Variants in COL14A1 observed in about 807,000 individuals in gnomAD.
COL14A1 encodes the protein collagen type XIV alpha 1 chain.
Under a neutral mutation model 230.3 loss-of-function variants are expected in COL14A1, and 136 were observed. The observed-to-expected ratio is 0.59, with a 90% confidence interval of 0.51 to 0.68. COL14A1 has a LOEUF of 0.68. COL14A1 is among the 30% of genes least tolerant of loss of function. The probability of loss-of-function intolerance (pLI) is 0.00; values close to 1 mark genes in which losing one functional copy is unlikely to be tolerated. For synonymous variants in COL14A1, 792 were observed against 784.1 expected, an observed-to-expected ratio of 1.01 and a Z score of -0.17; for missense variants, 1,976 against 2,215.8, an observed-to-expected ratio of 0.89 and a Z score of 2.17.
chr8:120,358,604 G>A lies in COL14A1; in HGVS notation c.5078-8567G>A, dbSNP rs1485960544. On this transcript the variant is annotated intron_variant, in intron 45 of 47. Transcript: ENST00000297848. Reference sequence around the variant, plus strand: ...TTTCAAGTCGTCATCGTGTAATTTAGCCAGAAAATCATGGCAAGTTTTCTA... The same window carrying A: ...TTTCAAGTCGTCATCGTGTAATTTAACCAGAAAATCATGGCAAGTTTTCTA... Among the ~76,000 whole-genome samples, 19 of 151,294 alleles carry A rather than the reference G, an allele frequency of 1.3e-4. No individual in the cohort carries two copies. The Admixed American group carries it at 1.3e-3, about 10-fold the overall frequency.
chr8:120,170,723 T>TTTTC (rs1187351095), intron 5 of COL14A1, among the ~76,000 whole-genome samples: 3 of 152,046 alleles, frequency 2.0e-5, no homozygotes, highest in Non-Finnish European at 4.4e-5. Flanking sequence ...TCTAGTCAAT[T>TTTTC]TTTCTTTTTG....
chr8:120,367,217 C>A lies in COL14A1; in HGVS notation c.5124C>A (p.Thr1708=). The change falls in exon 46 of 48, where the codon ACC becomes ACA. Residue 1708 remains threonine (T), a synonymous_variant. Coordinates refer to ENST00000297848, the MANE Select transcript of COL14A1 (RefSeq NM_021110.4). ...AAAAAGGAAATCCAGGCGTTGGAAC[C>A]CAAGGTCCAAGAGGCCCCCCTGGAC... is the stretch of plus-strand genomic sequence containing the variant. The part of the protein sequence containing the change: ...KGEKGNPGVG[T]QGPRGPPGPA... The A allele has an allele frequency of 1.2e-6, 2 of 1,613,448 alleles. No homozygotes were observed. The highest frequency in any genetic ancestry group is 4.5e-5 in the East Asian group (2 of 44,840).
intron 9 of COL14A1, among the ~76,000 whole-genome samples, chr8:120,205,099 A>AT (rs140408352): frequency 0.42 from 62,617 of 150,152 alleles, 13,227 homozygotes; most frequent in Middle Eastern, 0.48. Flanking sequence ...GTGTGGCCAC[A>AT]TTTTTTTTTT....
In COL14A1 at chr8:120,289,962, G is replaced by A. The variant is rs189685321; in HGVS notation, c.4236+196G>A. ...GGCCTCTTTAAATGAATTAAGACAT[G>A]TACATTCAAAGCTTGTGGTAGTATG... On this transcript the variant is annotated intron_variant, in intron 34 of 47. Transcript: ENST00000297848. 1.3e-3 allele frequency among the ~76,000 whole-genome samples: 192 copies of A among 152,230 alleles called. 1 individual carries two copies. The highest frequency in any genetic ancestry group is 2.5e-3 in the Non-Finnish European group (168 of 68,010).
At chr8:120,191,125 A>C (rs1816809251) in intron 5 of COL14A1, among the ~76,000 whole-genome samples, 1 of 135,710 alleles carries the variant, frequency 7.4e-6, no homozygotes, top group Admixed American at 7.6e-5. Flanking sequence ...TAGTTCTTTT[A>C]ATTGTGATGT....
intron 28 of COL14A1, among the ~76,000 whole-genome samples, chr8:120,278,983 A>C (rs1315954234): frequency 6.6e-6 from 1 of 152,140 alleles, no homozygotes; most frequent in African/African-American, 2.4e-5. Flanking sequence ...AAAAAGAATG[A>C]GTTCATGTCC....
At chr8:120,309,299 A>G (rs1820952143) in intron 36 of COL14A1, among the ~76,000 whole-genome samples, 1 of 152,208 alleles carries the variant, frequency 6.6e-6, no homozygotes, top group Admixed American at 6.5e-5. Flanking sequence ...TTATAGTTTT[A>G]GCAAGCGATA....
intron 1 of COL14A1, among the ~76,000 whole-genome samples, chr8:120,126,209 A>G (rs1586699425): frequency 6.6e-6 from 1 of 152,216 alleles, no homozygotes; most frequent in Non-Finnish European, 1.5e-5. Flanking sequence ...GCTTCGGCGC[A>G]TGGGGCCATT....
intron 9 of COL14A1, among the ~76,000 whole-genome samples, chr8:120,204,138 A>G (rs1313500987): frequency 6.6e-6 from 1 of 152,216 alleles, no homozygotes; most frequent in African/African-American, 2.4e-5. Context: ...AGATAGTTAT[A>G]CATTCAAATA....
intron 5 of COL14A1, among the ~76,000 whole-genome samples, chr8:120,190,247 A>T (rs535121118): frequency 5.9e-4 from 90 of 152,016 alleles, no homozygotes; most frequent in African/African-American, 2.0e-3. Context: ...GATGGTGAGC[A>T]TTTTTTCATG....
At chr8:120,321,642 A>AG (rs533125457) in intron 40 of COL14A1, among the ~76,000 whole-genome samples, 163 of 26,384 alleles carry the variant, frequency 6.2e-3, no homozygotes, top group African/African-American at 0.039. Context: ...GACTTGTCTC[A>AG]GAAAAAAAAA....
intron 40 of COL14A1, among the ~76,000 whole-genome samples, chr8:120,331,309 A>G (rs151036839): frequency 1.3e-5 from 2 of 152,260 alleles, no homozygotes; most frequent in Non-Finnish European, 2.9e-5. Context: ...GTTTCTCCCT[A>G]TAGTAACAGG....
chr8:120,251,493 G>A (rs904891479), intron 22 of COL14A1, among the ~76,000 whole-genome samples: 1 of 152,098 alleles, frequency 6.6e-6, no homozygotes, highest in East Asian at 1.9e-4. Flanking sequence ...CTACTCCTTT[G>A]AGGGTTTTCA....
At chr8:120,148,390 C>T (rs1240623092) in intron 2 of COL14A1, among the ~76,000 whole-genome samples, 1 of 152,132 alleles carries the variant, frequency 6.6e-6, no homozygotes, top group Non-Finnish European at 1.5e-5. Context: ...CTCGGCCTCC[C>T]GAAGTGCTGG....
intron 2 of COL14A1, among the ~76,000 whole-genome samples, chr8:120,148,513 A>T (rs1042406574): frequency 6.6e-6 from 1 of 152,198 alleles, no homozygotes. Context: ...AGTTATATTA[A>T]TAATGCTCTA....
At chr8:120,272,345 G>A (rs1480324377) in intron 26 of COL14A1, among the ~76,000 whole-genome samples, 4 of 151,662 alleles carry the variant, frequency 2.6e-5, no homozygotes, top group Non-Finnish European at 5.9e-5. Context: ...ATAACCTCTT[G>A]AAAGCATAAA....
intron 45 of COL14A1, among the ~76,000 whole-genome samples, chr8:120,354,590 T>C (rs1822912277): frequency 6.6e-6 from 1 of 152,170 alleles, no homozygotes; most frequent in South Asian, 2.1e-4. Flanking sequence ...GCACTTTTGC[T>C]CCATCTGATT....
chr8:120,317,387 A>G (rs1821271176), intron 40 of COL14A1, among the ~76,000 whole-genome samples: 1 of 152,082 alleles, frequency 6.6e-6, no homozygotes, highest in Non-Finnish European at 1.5e-5. Flanking sequence ...CTAAAATCTC[A>G]GTGTAGTCTC....
At chr8:120,319,814 A>G (rs1373907481) in intron 40 of COL14A1, among the ~76,000 whole-genome samples, 1 of 152,262 alleles carries the variant, frequency 6.6e-6, no homozygotes, top group Non-Finnish European at 1.5e-5. Flanking sequence ...CTAGGCAGCC[A>G]GTAGAGTACA....
Sources: gnomAD v4.1 joint callset for allele counts (sites outside exome capture counted in the v4.1 genomes callset) on GRCh38, gnomAD v4.1.1 for gene constraint, MANE v1.5 for transcripts, NCBI Gene and HGNC (gene_info 2026-07-23, HGNC 2026-07-21) for gene names.